The following RBFOX1 variants were observed in gnomAD, a reference collection of about 807,000 sequenced individuals.
RBFOX1 encodes RNA binding protein fox-1 homolog 1.
Under a neutral mutation model 57.7 loss-of-function variants are expected in RBFOX1, and 8 were observed. That is an observed-to-expected ratio of 0.14 (90% CI 0.08 to 0.25). The LOEUF (loss-of-function observed/expected upper bound fraction) is 0.25, where lower values mean the gene tolerates loss of function less well. RBFOX1 is among the 10% of genes least tolerant of loss of function. RBFOX1 has a pLI of 1.00. For synonymous variants in RBFOX1, 326 were observed against 222.4 expected (o/e 1.47, Z -4.15); for missense variants, 611 against 548.5 (o/e 1.11, Z -1.14).
intron 5 of RBFOX1, among the ~76,000 whole-genome samples, chr16:7,563,680 G>A (rs1312409778): frequency 1.3e-5 from 2 of 152,104 alleles, no homozygotes; most frequent in Non-Finnish European, 2.9e-5. Context: ...ATGTTGGCCA[G>A]ACTGGTCTCC....
chr16:7,693,745 T>C (rs917543), intron 14 of RBFOX1, among the ~76,000 whole-genome samples: 1 of 151,970 alleles, frequency 6.6e-6, no homozygotes, highest in Admixed American at 6.6e-5. Flanking sequence ...TCTGGGTTCA[T>C]AGAGACTGAT....
intron 2 of RBFOX1, among the ~76,000 whole-genome samples, chr16:5,565,057 G>A: frequency 6.6e-6 from 1 of 152,176 alleles, no homozygotes; most frequent in East Asian, 1.9e-4. Flanking sequence ...GTCCATCACA[G>A]GTGAGCAGGA....
At chr16:7,464,948 C>T (rs753890494) in intron 4 of RBFOX1, among the ~76,000 whole-genome samples, 5 of 151,934 alleles carry the variant, frequency 3.3e-5, no homozygotes, top group Admixed American at 1.3e-4. Context: ...CAGTCCACCT[C>T]GGCCTCCCAA....
In RBFOX1 at chr16:7,121,578, T is replaced by C. The variant is rs188245941; in HGVS notation, c.27+69480T>C. Among the ~76,000 whole-genome samples, 6 of 152,156 alleles carry C rather than the reference T, an allele frequency of 3.9e-5. No individual in the cohort carries two copies. The East Asian group carries it at 9.7e-4, about 24-fold the overall frequency. ...GAAATTAAAAAAGCAAATCTAAATA[T>C]ATACATAGATTCAAAGACTCATTGT... On this transcript the variant is annotated intron_variant, in intron 4 of 15. Coordinates refer to ENST00000550418, the MANE Select transcript of RBFOX1 (RefSeq NM_018723.4).
intron 3 of RBFOX1, among the ~76,000 whole-genome samples, chr16:5,821,170 C>T (rs762328068): frequency 5.3e-5 from 8 of 152,092 alleles, no homozygotes; most frequent in East Asian, 1.9e-4. Context: ...ATTTTCTCCT[C>T]GTCTGGCCTG....
intron 2 of RBFOX1, among the ~76,000 whole-genome samples, chr16:6,505,536 C>G (rs1023490791): frequency 6.6e-6 from 1 of 152,122 alleles, no homozygotes; most frequent in African/African-American, 2.4e-5. Context: ...TCTGTGTATT[C>G]TCACCGTCTA....
intron 3 of RBFOX1, among the ~76,000 whole-genome samples, chr16:6,949,882 C>G (rs1201216361): frequency 1.3e-5 from 2 of 151,810 alleles, no homozygotes; most frequent in Non-Finnish European, 2.9e-5. Context: ...CTGAACTGTT[C>G]TCCCTTTAAA....
chr16:7,097,908 G>T (rs2061974279), intron 4 of RBFOX1, among the ~76,000 whole-genome samples: 1 of 152,202 alleles, frequency 6.6e-6, no homozygotes, highest in South Asian at 2.1e-4. Flanking sequence ...ACAATGGCCT[G>T]CTTTGTCTAG....
chr16:5,811,066 C>T (rs1012443218), intron 3 of RBFOX1, among the ~76,000 whole-genome samples: 3 of 151,962 alleles, frequency 2.0e-5, no homozygotes, highest in Non-Finnish European at 4.4e-5. Flanking sequence ...CCTCAGACAA[C>T]CACTGATCTG....
At chr16:7,426,666 A>G (rs747314894) in intron 4 of RBFOX1, among the ~76,000 whole-genome samples, 4 of 152,192 alleles carry the variant, frequency 2.6e-5, no homozygotes, top group African/African-American at 4.8e-5. Context: ...GGGTTGACAC[A>G]AGAAGGGGAC....
chr16:6,596,865 G>C (rs998884437), intron 2 of RBFOX1, among the ~76,000 whole-genome samples: 7 of 152,154 alleles, frequency 4.6e-5, no homozygotes, highest in African/African-American at 1.7e-4. Context: ...GCTATATCGA[G>C]ATAGAGAAAT....
At chr16:5,534,167 A>G (rs188947204) in intron 2 of RBFOX1, among the ~76,000 whole-genome samples, 137 of 152,248 alleles carry the variant, frequency 9.0e-4, no homozygotes, top group African/African-American at 3.2e-3. Context: ...TCATAGGTGC[A>G]AGGGTGGCTG....
intron 3 of RBFOX1, among the ~76,000 whole-genome samples, chr16:6,780,557 C>CATATATTTAT (rs1567218604): frequency 1.7e-5 from 2 of 119,486 alleles, no homozygotes; most frequent in African/African-American, 7.2e-5. Flanking sequence ...TATATATTTA[C>CATATATTTAT]ATATTTATAT....
chr16:6,528,511 C>G (rs1356252786), intron 2 of RBFOX1, among the ~76,000 whole-genome samples: 1 of 152,204 alleles, frequency 6.6e-6, no homozygotes, highest in African/African-American at 2.4e-5. Context: ...TGGTGAACAG[C>G]TGGGCAAAGG....
At chr16:5,917,161 A>G (rs1443685821) in intron 4 of RBFOX1, among the ~76,000 whole-genome samples, 3 of 152,124 alleles carry the variant, frequency 2.0e-5, no homozygotes, top group Non-Finnish European at 4.4e-5. Context: ...CTTCCTAAGC[A>G]CCACAGGATG....
chr16:7,512,547 G>A (rs1039308712), intron 4 of RBFOX1, among the ~76,000 whole-genome samples: 1 of 152,208 alleles, frequency 6.6e-6, no homozygotes, highest in Non-Finnish European at 1.5e-5. Context: ...ACCAACATCT[G>A]TTTGAGAACT....
chr16:7,365,010 G>T (rs2097412278), intron 4 of RBFOX1, among the ~76,000 whole-genome samples: 1 of 152,168 alleles, frequency 6.6e-6, no homozygotes, highest in Non-Finnish European at 1.5e-5. Flanking sequence ...CTATCTGTCT[G>T]TCTGTCTATC....
At chr16:7,467,282 A>G (rs2060700635) in intron 4 of RBFOX1, among the ~76,000 whole-genome samples, 1 of 152,192 alleles carries the variant, frequency 6.6e-6, no homozygotes, top group Non-Finnish European at 1.5e-5. Context: ...TGCTAAAGAC[A>G]GACAGCTGCT....
intron 3 of RBFOX1, among the ~76,000 whole-genome samples, chr16:7,049,550 C>T (rs375191672): frequency 1.9e-4 from 29 of 152,244 alleles, no homozygotes; most frequent in African/African-American, 6.5e-4. Flanking sequence ...AACCAGAGTG[C>T]TTCTCCTGAG....
Sources: gnomAD v4.1 joint callset for allele counts (sites outside exome capture counted in the v4.1 genomes callset) on GRCh38, gnomAD v4.1.1 for gene constraint, MANE v1.5 for transcripts, NCBI Gene and HGNC (gene_info 2026-07-23, HGNC 2026-07-21) for gene names.